The following MED24 variants were observed in gnomAD, a reference collection of about 807,000 sequenced individuals.
MED24 encodes mediator of RNA polymerase II transcription subunit 24.
A neutral mutation model predicts 118.8 loss-of-function variants in MED24; 74 were observed. The ratio of observed to expected loss-of-function variants is 0.62; its 90% CI spans 0.52 to 0.76. The LOEUF is 0.76. MED24 is among the 30% of genes least tolerant of loss of function. The pLI is 0.00. For synonymous variants in MED24, 521 were observed against 523.9 expected, an observed-to-expected ratio of 0.99 and a Z score of 0.08; for missense variants, 1,041 against 1,278.9, an observed-to-expected ratio of 0.81 and a Z score of 2.84.
At chr17:40,045,998 C>T (rs1340258392) in intron 3 of MED24, among the ~76,000 whole-genome samples, 4 of 151,750 alleles carry the variant, frequency 2.6e-5, no homozygotes, top group Non-Finnish European at 5.9e-5. Flanking sequence ...AGGATGGTCT[C>T]GGTCTCCTGA....
At chr17:40,029,967 A>G in intron 12 of MED24, 108 bp from the exon 13 acceptor site, 1 of 930,906 alleles carries the variant, frequency 1.1e-6, no homozygotes, top group African/African-American at 1.6e-5. Context: ...GGTGGGAAGC[A>G]TGTAAGAACC....
rs376795571 is a variant in MED24 at position 40,033,258 on chromosome 17, C to T, written c.672-52G>A. The T allele has an allele frequency of 1.4e-4, 227 of 1,612,056 alleles. No individual in the cohort carries two copies. Among genetic ancestry groups the T allele is most frequent in the Admixed American group, 2.7e-4 (16 of 59,998 alleles). On this transcript the variant is annotated intron_variant, in intron 7 of 25. Transcript: ENST00000394128. This position sits in a 1 kb window ranked among gnomAD's most constrained non-coding sequence, Gnocchi z 5.2. ...GTGTTTGGGGGGCCAAAGGTGAAGGCGGAGAGGATGGCACGGGTGCCACAT... is the reference window on the plus strand; with the variant it reads ...GTGTTTGGGGGGCCAAAGGTGAAGGTGGAGAGGATGGCACGGGTGCCACAT...
chr17:40,022,250 G>T, intron 22 of MED24, 144 bp downstream of exon 22: 1 of 973,256 alleles, frequency 1.0e-6, no homozygotes, highest in Non-Finnish European at 1.5e-6. Context: ...AATCACCCAT[G>T]CAGATTCCTG....
chr17:40,021,926 AGCGGC>A (rs779230333), intron 23 of MED24, 24 bp downstream of exon 23: 124 of 1,483,904 alleles, frequency 8.4e-5, no homozygotes, highest in Non-Finnish European at 1.1e-4. Context: ...CAGGAAAAGG[AGCGGC>A]GCGCGGCCAG....
chr17:40,031,963 A>G (rs756717573), intron 10 of MED24, 80 bp downstream of exon 10: 31 of 1,479,462 alleles, frequency 2.1e-5, no homozygotes, highest in Non-Finnish European at 2.6e-5. Context: ...GCATGAGAAC[A>G]CTGCCCAGCT....
intron 3 of MED24, among the ~76,000 whole-genome samples, chr17:40,049,251 G>A (rs1375665613): frequency 1.3e-5 from 2 of 152,110 alleles, no homozygotes; most frequent in East Asian, 3.8e-4. Flanking sequence ...CTTTTCTCTA[G>A]CCATACCAAA....
At chr17:40,050,169 A>G (rs978767882) in intron 3 of MED24, among the ~76,000 whole-genome samples, 34 of 145,252 alleles carry the variant, frequency 2.3e-4, no homozygotes, top group Middle Eastern at 3.9e-3. Flanking sequence ...AAAAAAAAAA[A>G]AGAGAGATAC....
chr17:40,020,351 C>G lies in MED24; in HGVS notation c.2626G>C (p.Asp876His). ...GAGAGGGAGCTGCTCATGGATCGGTCTGCTGTGGGACGGAGCAGATGGAGC... is the reference window on the plus strand; with the variant it reads ...GAGAGGGAGCTGCTCATGGATCGGTGTGCTGTGGGACGGAGCAGATGGAGC... ...DDANILSSPT[D>H]RSMSSSLSAS... Residue 876 changes from aspartate to histidine, a missense_variant and splice_region_variant, in exon 24 of 26, where the codon GAC (aspartate) becomes CAC (histidine). Physicochemically the swap from Asp to His is moderately conservative, Grantham distance 81. This residue lies in a region of MED24 where 587 missense variants were observed against 694.4 expected (regional missense o/e 0.85). Coordinates refer to ENST00000394128, the MANE Select transcript of MED24 (RefSeq NM_014815.4). 6.3e-7 allele frequency: 1 copy of G among 1,596,382 alleles called. No individual in the cohort carries two copies. The highest frequency in any genetic ancestry group is 1.7e-5 in the Admixed American group (1 of 57,250).
At position 40,053,888 on chromosome 17, in the gene MED24, C is replaced by T. The variant is rs1324265345; in HGVS notation, c.-37-253G>A. The T allele has an allele frequency of 1.7e-5, 10 of 589,008 alleles. No homozygotes were observed. The Admixed American group carries it at 2.4e-4, about 14-fold the overall frequency. 36.5% of individuals were successfully genotyped at this position (589,008 alleles called of 1,614,324 possible). A position where few individuals can be genotyped will look rare whatever the true frequency, so the allele number is the denominator to read the frequency against. The stretch of plus-strand genomic sequence containing the variant: ...GCTCGCACCTGTAATCCCAGCACTT[C>T]GGGAGGCAGAGGCGGGCGAATCACC... On this transcript the variant is annotated intron_variant, in intron 1 of 25. Transcript: ENST00000394128.
intron 19 of MED24, among the ~76,000 whole-genome samples, chr17:40,024,265 G>A (rs1982385293): frequency 6.6e-6 from 1 of 152,194 alleles, no homozygotes; most frequent in Non-Finnish European, 1.5e-5. Context: ...CCGGTGCGGT[G>A]GCTCATGCCT....
At chr17:40,027,759 A>G in intron 15 of MED24, 150 bp downstream of exon 15, 2 of 871,684 alleles carry the variant, frequency 2.3e-6, no homozygotes, top group Non-Finnish European at 3.7e-6. Flanking sequence ...ATCCACTTTC[A>G]AGCTCTGTGG....
chr17:40,031,523 CA>C lies in MED24; in HGVS notation c.1067+14del, dbSNP rs769873413. ...CGCCTTCCAGTAGGGCGGGGGTGAC[CA>C]GGGGAGCTCATACTTGCAGCGCTGG... On this transcript the variant is annotated intron_variant, in intron 11 of 25. Transcript: ENST00000394128. The C allele has an allele frequency of 1.2e-5, 20 of 1,611,936 alleles. No individual in the cohort carries two copies. The East Asian group carries it at 3.6e-4, about 29-fold the overall frequency.
Position 40,032,735 on chromosome 17 carries a change from C to G in MED24, c.850G>C (p.Glu284Gln), listed in dbSNP as rs1983528425. Residue 284 changes from glutamate (E) to glutamine (Q), a missense_variant, in exon 9 of 26, where the codon GAG (glutamate) becomes CAG (glutamine). Glu to Gln is a conservative substitution (Grantham distance 29). Around this residue, in one of 3 missense-constraint regions of MED24, gnomAD observed 434 missense variants for 514.9 expected, o/e 0.84. Transcript: ENST00000394128. The stretch of plus-strand genomic sequence containing the variant: ...CCCACGAAGCAAGCTTTCCAGATCT[C>G]CAGGACAAAAAGTGGGGTGGGGATA... The part of the protein sequence containing the change: ...QHIPTPLFVL[E>Q]IWKACFVGLI... 6.2e-7 allele frequency: 1 copy of G among 1,613,814 alleles called. No individual in the cohort carries two copies. Among genetic ancestry groups the G allele is most frequent in the Non-Finnish European group, 8.5e-7 (1 of 1,179,972 alleles).
rs1482972129 is a variant in MED24, at chr17:40,033,864, T to TG, written c.560-409dup. The TG allele has an allele frequency of 2.5e-6, 1 of 406,590 alleles. No individual in the cohort carries two copies. Among genetic ancestry groups the TG allele is most frequent in the East Asian group, 7.0e-5 (1 of 14,200 alleles). 25.2% of individuals were successfully genotyped at this position (406,590 alleles called of 1,614,324 possible). A position where few individuals can be genotyped will look rare whatever the true frequency, so the allele number is the denominator to read the frequency against. On this transcript the variant is annotated intron_variant, in intron 6 of 25. Coordinates refer to ENST00000394128, the MANE Select transcript of MED24 (RefSeq NM_014815.4). This position sits in a 1 kb window ranked among gnomAD's most constrained non-coding sequence, Gnocchi z 5.2. Reference sequence around the variant, plus strand: ...GGCTGTCACTCTCCTCTGGGGGAACTGGGTCCCTAAATGGCTTTCTCATTC... The same window carrying TG: ...GGCTGTCACTCTCCTCTGGGGGAACTGGGGTCCCTAAATGGCTTTCTCATTC...
intron 3 of MED24, among the ~76,000 whole-genome samples, chr17:40,043,890 C>CAAAAAAAAAAAAAAAAACAAAAAA (rs35743512): frequency 1.0e-5 from 1 of 97,448 alleles, no homozygotes; most frequent in South Asian, 3.6e-4. Context: ...GACTCCATCT[C>CAAAAAAAAAAAAAAAAACAAAAAA]AAAAAAAAAA....
intron 9 of MED24, 113 bp from the exon 10 acceptor site, chr17:40,032,203 T>G: frequency 8.1e-7 from 1 of 1,241,578 alleles, no homozygotes; most frequent in Non-Finnish European, 1.2e-6. Context: ...GGAACACTCC[T>G]ACCCTGGGAG....
At chr17:40,038,848 G>A (rs992281917) in intron 3 of MED24, among the ~76,000 whole-genome samples, 1 of 152,164 alleles carries the variant, frequency 6.6e-6, no homozygotes, top group African/African-American at 2.4e-5. Flanking sequence ...ACTCCTGGGT[G>A]AACAGGAGCA....
rs775569702 is a variant in MED24, at chr17:40,023,409, G to T, written c.1986-14C>A. Reference sequence around the variant, plus strand: ...ATGATCACCACCCTGGGGGAGGGCCGAGAGAACCTGAGGCTCAGGTGCCAC... The same window carrying T: ...ATGATCACCACCCTGGGGGAGGGCCTAGAGAACCTGAGGCTCAGGTGCCAC... On this transcript the variant is annotated splice_polypyrimidine_tract_variant and intron_variant, in intron 19 of 25. Transcript: ENST00000394128. 3 of 1,568,916 alleles carry T rather than the reference G, an allele frequency of 1.9e-6. No individual in the cohort carries two copies. The highest frequency in any genetic ancestry group is 1.2e-5 in the South Asian group (1 of 83,148).
At chr17:40,047,918 C>T (rs528555931) in intron 3 of MED24, among the ~76,000 whole-genome samples, 4 of 152,116 alleles carry the variant, frequency 2.6e-5, no homozygotes, top group East Asian at 3.9e-4. Flanking sequence ...TTAGTAGAGA[C>T]GGGGTTTCAC....
Sources: allele counts gnomAD v4.1 joint callset (sites outside exome capture counted in the v4.1 genomes callset), GRCh38; gene constraint gnomAD v4.1.1; regional missense constraint gnomAD v4.1.1; non-coding constraint Gnocchi (gnomAD v3.1); transcripts MANE v1.5; gene names NCBI Gene and HGNC (gene_info 2026-07-23, HGNC 2026-07-21).